The following CBR4 variants were observed in gnomAD, a reference collection of about 807,000 sequenced individuals.
The protein encoded by CBR4 is carbonyl reductase 4.
In CBR4, 22 loss-of-function variants were observed where a neutral mutation model predicts 21.0. That is an observed-to-expected ratio of 1.05 (90% CI 0.75 to 1.50). The LOEUF (loss-of-function observed/expected upper bound fraction) is 1.50. CBR4 is among the 40% of genes most tolerant of loss of function. CBR4 has a pLI of 0.00. For missense variants in CBR4, 302 were observed against 286.3 expected (o/e 1.05, Z -0.40); for synonymous variants, 100 against 104.4 (o/e 0.96, Z 0.26).
At chr4:168,941,512 A>G (rs1763264244) in intron 2 of CBR4, among the ~76,000 whole-genome samples, 2 of 152,132 alleles carry the variant, frequency 1.3e-5, no homozygotes, top group Admixed American at 1.3e-4. Flanking sequence ...CCCTCTACAC[A>G]AACATCAACT....
chr4:168,973,572 C>A (rs561283129), intron 2 of CBR4, among the ~76,000 whole-genome samples: 23 of 152,372 alleles, frequency 1.5e-4, no homozygotes, highest in Admixed American at 5.9e-4. Flanking sequence ...AGGTGATCCA[C>A]CTGCCTTGGC....
At chr4:168,936,848 T>C (rs1017712855) in intron 2 of CBR4, among the ~76,000 whole-genome samples, 3 of 152,176 alleles carry the variant, frequency 2.0e-5, no homozygotes, top group African/African-American at 4.8e-5. Context: ...TGGAACCAAG[T>C]TGGAAAACAC....
intron 2 of CBR4, among the ~76,000 whole-genome samples, chr4:168,974,698 G>C (rs1284626803): frequency 6.6e-6 from 1 of 152,078 alleles, no homozygotes; most frequent in Admixed American, 6.5e-5. Flanking sequence ...TTCTATTGCT[G>C]AAACTTTCCA....
At chr4:168,904,627 G>A (rs2151312469) in intron 2 of CBR4, among the ~76,000 whole-genome samples, 1 of 152,012 alleles carries the variant, frequency 6.6e-6, no homozygotes, top group Non-Finnish European at 1.5e-5. Flanking sequence ...TGTATGACAG[G>A]TAGTTTTACT....
At chr4:168,903,542 AAAGG>A (rs1232746509) in intron 2 of CBR4, among the ~76,000 whole-genome samples, 2 of 152,200 alleles carry the variant, frequency 1.3e-5, no homozygotes, top group East Asian at 3.9e-4. Context: ...TTTAAAAACA[AAAGG>A]AAGATATATA....
rs558376960 is a variant in CBR4, at chr4:168,901,572, C to T, written n.170-6807G>A. Among the ~76,000 whole-genome samples the T allele has an allele frequency of 3.3e-5, 5 of 152,246 alleles. No individual in the cohort carries two copies. In the South Asian group the frequency reaches 1.0e-3, roughly 32 times the overall value. On this transcript the variant is annotated intron_variant and non_coding_transcript_variant, in intron 2 of 3. Coordinates refer to the CBR4 transcript ENST00000509108. ...TCTTTTTTCCATCAGAAATAGTCAA[C>T]CATAGCCAGGCACAGTGGCTCACAC...
chr4:168,941,070 A>G (rs1763250107), intron 2 of CBR4, among the ~76,000 whole-genome samples: 1 of 152,176 alleles, frequency 6.6e-6, no homozygotes. Context: ...CATTCTCAGC[A>G]AACTAACACA....
chr4:169,004,362 A>T (rs1307438911), intron 3 of CBR4, among the ~76,000 whole-genome samples: 1 of 152,236 alleles, frequency 6.6e-6, no homozygotes, highest in East Asian at 1.9e-4. Flanking sequence ...GGATAAGACA[A>T]AATTTGCCAC....
chr4:168,961,597 A>G (rs954681989), intron 2 of CBR4, among the ~76,000 whole-genome samples: 1 of 152,150 alleles, frequency 6.6e-6, no homozygotes, highest in Non-Finnish European at 1.5e-5. Flanking sequence ...AAAGAAAAGA[A>G]AAGAAAAAGA....
chr4:168,946,970 C>T (rs1763410925), intron 2 of CBR4, among the ~76,000 whole-genome samples: 1 of 152,092 alleles, frequency 6.6e-6, no homozygotes, highest in Non-Finnish European at 1.5e-5. Context: ...AACACAGATA[C>T]AGAAAACCAC....
At chr4:168,943,605 T>C (rs1043338992) in intron 2 of CBR4, among the ~76,000 whole-genome samples, 2 of 152,094 alleles carry the variant, frequency 1.3e-5, no homozygotes, top group African/African-American at 4.8e-5. Flanking sequence ...AACATGTGAA[T>C]GGGGAACTAA....
At chr4:169,001,907 G>C (rs1264316738) in intron 4 of CBR4, 164 bp downstream of exon 4, 21 of 530,990 alleles carry the variant, frequency 4.0e-5, no homozygotes, top group Non-Finnish European at 6.8e-5. Context: ...TATAGAATAT[G>C]AGGTACAAAA....
rs959012507 is a variant in CBR4 at position 168,991,832 on chromosome 4, A to G, written c.536-1504T>C. ...AGAAAAAAATTTTTAAGGTCATGAA[A>G]AATAGATGGACTAAAACTTCAACAT... On this transcript the variant is annotated intron_variant, in intron 4 of 4. Transcript: ENST00000306193. 2.0e-5 allele frequency among the ~76,000 whole-genome samples: 3 copies of G among 152,342 alleles called. No individual in the cohort carries two copies. In the East Asian group the frequency reaches 5.8e-4, roughly 29 times the overall value.
chr4:168,905,636 T>C (rs1044284120), intron 2 of CBR4, among the ~76,000 whole-genome samples: 5 of 152,094 alleles, frequency 3.3e-5, no homozygotes, highest in Non-Finnish European at 7.4e-5. Context: ...AGCTTCTATA[T>C]TAATGCACAT....
rs138581722 is a variant in CBR4, at chr4:169,007,739, T to A, written c.160A>T (p.Ser54Cys). Residue 54 changes from serine to cysteine, a missense_variant, in exon 2 of 5, where the codon AGC becomes TGC. Physicochemically the swap from Ser to Cys is moderately radical, Grantham distance 112. Transcript: ENST00000306193. ...TCATGTTCTTTAGCAACATCACAGC[T>A]AAATGCCAAATGATCTCCTACACAA... ...GDLGGDHLAF[S>C]CDVAKEHDVQ... The A allele has an allele frequency of 5.5e-4, 877 of 1,583,906 alleles. 1 individual carries two copies. The highest frequency in any genetic ancestry group is 1.5e-3 in the Admixed American group (83 of 54,132).
rs757885388 is a variant in CBR4 at position 168,894,569 on chromosome 4, C to T, written n.365+1G>A. 1.5e-5 allele frequency: 23 copies of T among 1,585,008 alleles called. No individual in the cohort carries two copies. The highest frequency in any genetic ancestry group is 3.3e-5 in the Admixed American group (2 of 59,936). On this transcript the variant is annotated splice_donor_variant and non_coding_transcript_variant, in intron 3 of 3. Coordinates refer to the CBR4 transcript ENST00000509108. ...CTAATTTTGTATTTTTTGTGACTTA[C>T]GTTGTTTAGAGGTTAACATACGAAG...
At chr4:168,985,304 A>G (rs930132937), downstream of CBR4, among the ~76,000 whole-genome samples, 2 of 152,168 alleles carry the variant, frequency 1.3e-5, no homozygotes, top group Non-Finnish European at 2.9e-5. Context: ...CACTATCACT[A>G]AACACTAAGG....
chr4:168,998,281 T>G (rs566875612), intron 4 of CBR4, among the ~76,000 whole-genome samples: 1 of 152,328 alleles, frequency 6.6e-6, no homozygotes, highest in African/African-American at 2.4e-5. Flanking sequence ...ATACAAGTAT[T>G]GTCACTGCAT....
At chr4:168,921,484 T>TTCACTCTG (rs1170950199) in intron 2 of CBR4, 1 of 1,293,446 alleles carries the variant, frequency 7.7e-7, no homozygotes, top group Non-Finnish European at 1.1e-6. Flanking sequence ...TACCAGTGAT[T>TTCACTCTG]TCACTCTGTT....
Sources: gnomAD v4.1 joint callset for allele counts (sites outside exome capture counted in the v4.1 genomes callset) on GRCh38, gnomAD v4.1.1 for gene constraint, MANE v1.5 for transcripts, NCBI Gene and HGNC (gene_info 2026-07-23, HGNC 2026-07-21) for gene names.